The following NFIA variants were observed in gnomAD, a reference collection of about 807,000 sequenced individuals.
NFIA encodes the protein nuclear factor I A, also known as nuclear factor 1 A-type.
Under a neutral mutation model 62.8 loss-of-function variants are expected in NFIA, and 8 were observed. That is an observed-to-expected ratio of 0.13 (90% CI 0.07 to 0.23). The LOEUF (loss-of-function observed/expected upper bound fraction) is 0.23, where lower values mean the gene tolerates loss of function less well. Among genes scored for constraint, NFIA ranks in the 10% least tolerant of loss-of-function variants. NFIA has a pLI of 1.00. For synonymous variants in NFIA, 235 were observed against 238.1 expected (o/e 0.99, Z 0.12); for missense variants, 410 against 642.1 (o/e 0.64, Z 3.91).
chr1:61,264,086 T>G (rs1224294529), intron 2 of NFIA, among the ~76,000 whole-genome samples: 1 of 152,180 alleles, frequency 6.6e-6, no homozygotes, highest in Non-Finnish European at 1.5e-5. Context: ...GAATAATGCT[T>G]TGCACACAGT....
intron 10 of NFIA, among the ~76,000 whole-genome samples, chr1:61,449,289 T>A (rs1667960461): frequency 1.3e-5 from 2 of 152,216 alleles, no homozygotes; most frequent in Non-Finnish European, 2.9e-5. Flanking sequence ...TGCCTTGCTT[T>A]GCCCTCATTG....
chr1:61,415,751 A>G (rs1226337201), intron 9 of NFIA, among the ~76,000 whole-genome samples: 2 of 152,180 alleles, frequency 1.3e-5, no homozygotes, highest in Non-Finnish European at 2.9e-5. Flanking sequence ...TATATATAAA[A>G]TGTAAATGTG....
intron 2 of NFIA, among the ~76,000 whole-genome samples, chr1:61,216,689 G>A (rs1267408356): frequency 6.6e-6 from 1 of 152,180 alleles, no homozygotes; most frequent in Non-Finnish European, 1.5e-5. Flanking sequence ...TTAACTGTCT[G>A]TGTATGTATG....
At chr1:61,281,237 CA>C (rs113416259) in intron 3 of NFIA, among the ~76,000 whole-genome samples, 13,541 of 132,762 alleles carry the variant, frequency 0.1, 633 homozygotes, top group South Asian at 0.15. Context: ...GACTCCATCT[CA>C]AAAAAAAAAA....
chr1:61,200,265 G>A (rs184944194), intron 2 of NFIA, among the ~76,000 whole-genome samples: 1 of 151,138 alleles, frequency 6.6e-6, no homozygotes, highest in East Asian at 2.0e-4. Flanking sequence ...TCACTTGACC[G>A]CTCAGTGCCT....
At chr1:61,426,406 T>G (rs938374032) in intron 9 of NFIA, 59 bp from the exon 10 acceptor site, 43 of 1,136,232 alleles carry the variant, frequency 3.8e-5, no homozygotes, top group Non-Finnish European at 4.8e-5. Flanking sequence ...TGTTTTGGTG[T>G]TGTTTGTGTG....
At position 61,215,152 on chromosome 1, in the gene NFIA, T is replaced by C. The variant is rs1209306769; in HGVS notation, c.560-62368T>C. Among the ~76,000 whole-genome samples, 9 of 152,222 alleles carry C rather than the reference T, an allele frequency of 5.9e-5. 1 individual carries two copies. Among genetic ancestry groups the C allele is most frequent in the Admixed American group, 5.9e-4 (9 of 15,286 alleles). On this transcript the variant is annotated intron_variant, in intron 2 of 10. Coordinates refer to ENST00000403491, the MANE Select transcript of NFIA (RefSeq NM_001134673.4). The stretch of plus-strand genomic sequence containing the variant: ...TTTATCATTGCTTTAAAATGTATTT[T>C]AATGAAGATATTAAAAAATACCTTT...
At chr1:61,080,507 C>A (rs1342347561), upstream of NFIA, among the ~76,000 whole-genome samples, 1 of 152,112 alleles carries the variant, frequency 6.6e-6, no homozygotes, top group Non-Finnish European at 1.5e-5. Flanking sequence ...ATGTTGGGAC[C>A]GTCAGCCAGA....
intron 2 of NFIA, among the ~76,000 whole-genome samples, chr1:61,266,184 G>A (rs1336889472): frequency 1.3e-5 from 2 of 152,034 alleles, no homozygotes; most frequent in East Asian, 3.9e-4. Flanking sequence ...GGTGATTTAC[G>A]ACCAGAAAGT....
At position 61,455,292 on chromosome 1, in the gene NFIA, T is replaced by C; in HGVS notation, c.1513-11T>C. 1 of 1,613,520 alleles carries C rather than the reference T, an allele frequency of 6.2e-7. No homozygotes were observed. The highest frequency in any genetic ancestry group is 8.5e-7 in the Non-Finnish European group (1 of 1,179,836). ...TGTGATTTTAATTGTATTTTTCCTT[T>C]TGTCTTCCAGTCCTGGTACCTGGGA... On this transcript the variant is annotated splice_polypyrimidine_tract_variant and intron_variant, in intron 10 of 10. Coordinates refer to ENST00000403491, the MANE Select transcript of NFIA (RefSeq NM_001134673.4).
At position 61,222,804 on chromosome 1, in the gene NFIA, T is replaced by C. The variant is rs145707426; in HGVS notation, c.560-54716T>C. 1.9e-3 allele frequency among the ~76,000 whole-genome samples: 290 copies of C among 152,192 alleles called. 1 individual carries two copies. The highest frequency in any genetic ancestry group is 6.7e-3 in the African/African-American group (277 of 41,572). ...ATCTCCAGTGAGCTCTCATTTATTA[T>C]ATATATGCTACAGTGACATAAATAA... On this transcript the variant is annotated intron_variant, in intron 2 of 10. Transcript: ENST00000403491.
chr1:61,082,428 G>A (rs1234878670), upstream of NFIA: 6 of 1,007,114 alleles, frequency 6.0e-6, no homozygotes, highest in Non-Finnish European at 7.2e-6. Flanking sequence ...GGTGCAGAGC[G>A]GAGGCGGAGG....
chr1:61,411,229 A>G (rs1217641513), intron 9 of NFIA, among the ~76,000 whole-genome samples: 1 of 152,290 alleles, frequency 6.6e-6, no homozygotes, highest in East Asian at 1.9e-4. Flanking sequence ...TGTGGCCAGA[A>G]AAGCAGGGGG....
At chr1:61,366,645 G>C (rs996098882) in intron 6 of NFIA, among the ~76,000 whole-genome samples, 1 of 152,134 alleles carries the variant, frequency 6.6e-6, no homozygotes, top group African/African-American at 2.4e-5. Context: ...ACTTTAGGCC[G>C]AGCACAATGG....
At chr1:61,135,404 G>A (rs537940808) in intron 2 of NFIA, among the ~76,000 whole-genome samples, 40 of 152,158 alleles carry the variant, frequency 2.6e-4, no homozygotes, top group African/African-American at 9.6e-4. Context: ...GTTGATTGTT[G>A]AACTTTCTTT....
At chr1:61,238,929 A>G (rs162878) in intron 2 of NFIA, among the ~76,000 whole-genome samples, 11,086 of 152,254 alleles carry the variant, frequency 0.073, 508 homozygotes, top group East Asian at 0.16. Flanking sequence ...ATCAATTTTT[A>G]TACCATTTAG....
chr1:61,130,300 C>T (rs1157851071), intron 2 of NFIA, among the ~76,000 whole-genome samples: 1 of 151,986 alleles, frequency 6.6e-6, no homozygotes, highest in African/African-American at 2.4e-5. Context: ...TTTACGGCAT[C>T]AGAGATACCA....
chr1:61,184,981 A>G lies in NFIA; in HGVS notation c.560-92539A>G, dbSNP rs537170602. On this transcript the variant is annotated intron_variant, in intron 2 of 10. Coordinates refer to ENST00000403491, the MANE Select transcript of NFIA (RefSeq NM_001134673.4). ...AAGTTCCATCTCTGTGTCTGAGCAG[A>G]ATGCTGGACTGCTTAACGTTAATAT... Among the ~76,000 whole-genome samples, 8 of 152,366 alleles carry G rather than the reference A, an allele frequency of 5.3e-5. 1 individual carries two copies. In the South Asian group the frequency reaches 1.7e-3, roughly 32 times the overall value.
chr1:61,344,251 GAAC>G (rs1275246934), intron 4 of NFIA, among the ~76,000 whole-genome samples: 1 of 152,140 alleles, frequency 6.6e-6, no homozygotes, highest in Non-Finnish European at 1.5e-5. Context: ...ATAGAAAGAA[GAAC>G]AAGTATTTTC....
Sources: allele counts gnomAD v4.1 joint callset (sites outside exome capture counted in the v4.1 genomes callset), GRCh38; gene constraint gnomAD v4.1.1; transcripts MANE v1.5; gene names NCBI Gene and HGNC (gene_info 2026-07-23, HGNC 2026-07-21).